The following SGK3 variants were observed in gnomAD, a reference collection of about 807,000 sequenced individuals.
The protein encoded by SGK3 is serine/threonine-protein kinase Sgk3.
In SGK3, 47 loss-of-function variants were observed where a neutral mutation model predicts 68.5. The ratio of observed to expected loss-of-function variants is 0.69; its 90% CI spans 0.54 to 0.87. The LOEUF (loss-of-function observed/expected upper bound fraction) is 0.87, where lower values mean the gene tolerates loss of function less well. Ranked by LOEUF, SGK3 falls within the 40% of genes least tolerant of loss-of-function variation. The probability of loss-of-function intolerance (pLI) is 0.00; values close to 1 mark genes in which losing one functional copy is unlikely to be tolerated. For synonymous variants in SGK3, 181 were observed against 189.1 expected (o/e 0.96, Z 0.35); for missense variants, 479 against 575.5 (o/e 0.83, Z 1.72).
At chr8:66,797,357 G>T (rs1165757926) in intron 2 of SGK3, among the ~76,000 whole-genome samples, 1 of 152,170 alleles carries the variant, frequency 6.6e-6, no homozygotes, top group Admixed American at 6.5e-5. Flanking sequence ...TGGCACCTTG[G>T]CTAGGTTTTT....
At chr8:66,799,658 G>C (rs1807850052) in intron 3 of SGK3, among the ~76,000 whole-genome samples, 1 of 152,180 alleles carries the variant, frequency 6.6e-6, no homozygotes, top group African/African-American at 2.4e-5. Flanking sequence ...GTCTTGCGCT[G>C]TCACCCAGGC....
In SGK3 at chr8:66,807,814, T is replaced by C. The variant is rs542873144; in HGVS notation, c.253+3367T>C. ...TCCCTAAAATAAGCTGCATATGATATAATGTACACACAAGACTGTGTATTG... is the reference window on the plus strand; with the variant it reads ...TCCCTAAAATAAGCTGCATATGATACAATGTACACACAAGACTGTGTATTG... On this transcript the variant is annotated intron_variant, in intron 4 of 16. Coordinates refer to ENST00000521198, the MANE Select transcript of SGK3 (RefSeq NM_001033578.3). Among the ~76,000 whole-genome samples, 4 of 152,304 alleles carry C rather than the reference T, an allele frequency of 2.6e-5. No individual in the cohort carries two copies. In the South Asian group the frequency reaches 8.3e-4, roughly 32 times the overall value.
chr8:66,815,392 G>T (rs1033211042), intron 5 of SGK3, among the ~76,000 whole-genome samples: 1 of 152,150 alleles, frequency 6.6e-6, no homozygotes, highest in African/African-American at 2.4e-5. Context: ...TGGCAGAAGG[G>T]CATGAAATTT....
At chr8:66,765,658 A>G (rs752682215) in intron 1 of SGK3, among the ~76,000 whole-genome samples, 1 of 152,124 alleles carries the variant, frequency 6.6e-6, no homozygotes, top group Non-Finnish European at 1.5e-5. Context: ...TCAGTGCAAA[A>G]TATGTTCTAA....
At chr8:66,795,610 T>A (rs1306700489) in intron 2 of SGK3, among the ~76,000 whole-genome samples, 1 of 152,196 alleles carries the variant, frequency 6.6e-6, no homozygotes, top group Non-Finnish European at 1.5e-5. Context: ...TCCTTTGATT[T>A]TCCAGGCTGG....
chr8:66,761,401 G>C (rs547043777), intron 1 of SGK3, among the ~76,000 whole-genome samples: 85 of 152,322 alleles, frequency 5.6e-4, no homozygotes, highest in East Asian at 2.5e-3. Flanking sequence ...GTCACCAGTA[G>C]TTCTAGTCAC....
chr8:66,823,123 T>G (rs912135279), intron 6 of SGK3, among the ~76,000 whole-genome samples: 13 of 152,260 alleles, frequency 8.5e-5, no homozygotes, highest in African/African-American at 3.1e-4. Context: ...TACTTAATTT[T>G]AATTATGCAG....
intron 12 of SGK3, chr8:66,840,557 T>C (rs777027178): frequency 3.7e-4 from 104 of 283,892 alleles, no homozygotes; most frequent in Non-Finnish European, 5.6e-4. Context: ...CTGAACAAGG[T>C]TGACAGTCTG....
chr8:66,757,956 TAC>T (rs976516725), intron 1 of SGK3, among the ~76,000 whole-genome samples: 32 of 147,232 alleles, frequency 2.2e-4, no homozygotes, highest in African/African-American at 6.8e-4. Flanking sequence ...TATATATATA[TAC>T]ACACACTATA....
At chr8:66,828,769 C>G (rs1373063340) in intron 7 of SGK3, 66 bp downstream of exon 7, 8 of 1,563,930 alleles carry the variant, frequency 5.1e-6, no homozygotes, top group Non-Finnish European at 7.0e-6. Flanking sequence ...TGAGCGTATG[C>G]AGATATGTAT....
intron 1 of SGK3, among the ~76,000 whole-genome samples, chr8:66,729,176 G>A (rs1035384222): frequency 2.0e-5 from 3 of 148,596 alleles, no homozygotes; most frequent in Admixed American, 6.7e-5. Flanking sequence ...CCGAGATCGC[G>A]CCTCTGCACT....
intron 1 of SGK3, among the ~76,000 whole-genome samples, chr8:66,745,700 A>G (rs1228951445): frequency 6.6e-6 from 1 of 152,250 alleles, no homozygotes; most frequent in Non-Finnish European, 1.5e-5. Context: ...TGGGTAATTT[A>G]TAAGGAACAG....
intron 1 of SGK3, among the ~76,000 whole-genome samples, chr8:66,764,947 C>T (rs1806274980): frequency 6.6e-6 from 1 of 152,122 alleles, no homozygotes; most frequent in South Asian, 2.1e-4. Context: ...ACAGTTTATC[C>T]ATTCATTGGC....
At chr8:66,800,964 G>A (rs1182881363) in intron 3 of SGK3, among the ~76,000 whole-genome samples, 1 of 152,142 alleles carries the variant, frequency 6.6e-6, no homozygotes, top group Non-Finnish European at 1.5e-5. Flanking sequence ...TTGAGACCCT[G>A]TCTCAAAACA....
At chr8:66,730,258 C>T (rs1805109473) in intron 1 of SGK3, among the ~76,000 whole-genome samples, 1 of 152,074 alleles carries the variant, frequency 6.6e-6, no homozygotes, top group South Asian at 2.1e-4. Context: ...TGTGTATCTT[C>T]TCTACAGAAA....
At chr8:66,742,861 C>G (rs1179491900) in intron 1 of SGK3, among the ~76,000 whole-genome samples, 1 of 152,060 alleles carries the variant, frequency 6.6e-6, no homozygotes, top group Non-Finnish European at 1.5e-5. Context: ...TCCAATCATG[C>G]CTTTCTGTCT....
At chr8:66,790,034 C>T (rs182283111) in intron 1 of SGK3, among the ~76,000 whole-genome samples, 97 of 151,990 alleles carry the variant, frequency 6.4e-4, no homozygotes, top group Non-Finnish European at 9.6e-4. Flanking sequence ...GCCAAGATTG[C>T]GCCACTGCAC....
At chr8:66,731,020 C>T (rs182715042) in intron 1 of SGK3, among the ~76,000 whole-genome samples, 114 of 152,260 alleles carry the variant, frequency 7.5e-4, no homozygotes, top group African/African-American at 2.6e-3. Context: ...GTGATTTCCT[C>T]ATTAACCCAT....
chr8:66,764,033 G>A (rs569240008), intron 1 of SGK3, among the ~76,000 whole-genome samples: 12 of 152,012 alleles, frequency 7.9e-5, no homozygotes, highest in Admixed American at 2.0e-4. Context: ...CACCACACCC[G>A]GCTAATTTTT....
Sources: allele counts gnomAD v4.1 joint callset (sites outside exome capture counted in the v4.1 genomes callset), GRCh38; gene constraint gnomAD v4.1.1; transcripts MANE v1.5; gene names NCBI Gene and HGNC (gene_info 2026-07-23, HGNC 2026-07-21).